Variants in INPP4B observed in about 807,000 individuals in gnomAD.
INPP4B encodes the protein inositol polyphosphate 4-phosphatase type II.
In INPP4B, 55 loss-of-function variants were observed where a neutral mutation model predicts 122.5. The observed-to-expected ratio is 0.45, with a 90% CI of 0.36 to 0.56. The LOEUF (loss-of-function observed/expected upper bound fraction) is 0.56. Among genes scored for constraint, INPP4B ranks in the 20% least tolerant of loss-of-function variants. INPP4B has a pLI of 0.00. For synonymous variants in INPP4B, 403 were observed against 388.7 expected, an observed-to-expected ratio of 1.04 and a Z score of -0.43; for missense variants, 1,000 against 1,097.7, an observed-to-expected ratio of 0.91 and a Z score of 1.26.
chr4:142,272,049 T>A (rs942867027), intron 9 of INPP4B, among the ~76,000 whole-genome samples: 1 of 152,198 alleles, frequency 6.6e-6, no homozygotes, highest in Admixed American at 6.5e-5. Context: ...CACTTCTATT[T>A]CAGTAGAATT....
At chr4:142,601,633 C>A (rs1739949013) in intron 2 of INPP4B, among the ~76,000 whole-genome samples, 2 of 148,314 alleles carry the variant, frequency 1.3e-5, no homozygotes, top group Non-Finnish European at 1.5e-5. Flanking sequence ...CCTAATGATG[C>A]ACCTCAAGGA....
At chr4:142,475,995 T>C (rs1469281858) in intron 2 of INPP4B, among the ~76,000 whole-genome samples, 4 of 152,058 alleles carry the variant, frequency 2.6e-5, no homozygotes, top group African/African-American at 9.7e-5. Flanking sequence ...ATGTAGAGAA[T>C]CCCTGTGAAA....
At chr4:142,042,518 GTATGTATGTATGTA>G (rs1389210600) in intron 25 of INPP4B, among the ~76,000 whole-genome samples, 1 of 42,798 alleles carries the variant, frequency 2.3e-5, no homozygotes, top group African/African-American at 5.5e-5. Flanking sequence ...ATGTGTGTGT[GTATGTATGTATGTA>G]TGTATGTATG....
intron 2 of INPP4B, among the ~76,000 whole-genome samples, chr4:142,714,248 T>A (rs1763481316): frequency 6.6e-6 from 1 of 152,168 alleles, no homozygotes; most frequent in African/African-American, 2.4e-5. Flanking sequence ...TAACAGAGGG[T>A]ACTTCAGGCA....
At chr4:142,453,583 A>G (rs1814761091) in intron 3 of INPP4B, among the ~76,000 whole-genome samples, 1 of 152,162 alleles carries the variant, frequency 6.6e-6, no homozygotes, top group Admixed American at 6.5e-5. Context: ...TTAGCTCTCC[A>G]GAGAAGTTCA....
rs138418288 is a variant in INPP4B at position 142,692,684 on chromosome 4, C to T, written c.-191+33155G>A. Reference sequence around the variant, plus strand: ...TTTACATTCCTTCTGGGAAGAACAACGGAGACACTCCATTCTGTGTCCAGG... The same window carrying T: ...TTTACATTCCTTCTGGGAAGAACAATGGAGACACTCCATTCTGTGTCCAGG... On this transcript the variant is annotated intron_variant, in intron 2 of 25. Transcript: ENST00000262992. Among the ~76,000 whole-genome samples, 331 of 152,282 alleles carry T rather than the reference C, an allele frequency of 2.2e-3. 2 individuals are homozygous for T. The highest frequency in any genetic ancestry group is 7.4e-3 in the African/African-American group (309 of 41,568).
chr4:142,737,543 T>C (rs1413860824), intron 1 of INPP4B, among the ~76,000 whole-genome samples: 5 of 152,150 alleles, frequency 3.3e-5, no homozygotes, highest in Non-Finnish European at 7.3e-5. Context: ...ATTCAGGACA[T>C]AGGCATGGGC....
chr4:142,102,629 T>C (rs1286835846), intron 23 of INPP4B, among the ~76,000 whole-genome samples: 1 of 152,086 alleles, frequency 6.6e-6, no homozygotes, highest in African/African-American at 2.4e-5. Context: ...TGTGACCTTT[T>C]GCTGGAATTC....
chr4:142,306,740 C>T (rs1763520260), intron 8 of INPP4B, among the ~76,000 whole-genome samples: 2 of 152,084 alleles, frequency 1.3e-5, no homozygotes, highest in South Asian at 4.1e-4. Context: ...GTGGCTCACG[C>T]CTGTCATGCC....
chr4:142,439,268 A>G (rs1580066076), intron 3 of INPP4B, among the ~76,000 whole-genome samples: 1 of 152,232 alleles, frequency 6.6e-6, no homozygotes, highest in South Asian at 2.1e-4. Flanking sequence ...AAGCTGTACT[A>G]TAGTCTGAGG....
chr4:142,052,088 C>T (rs1003640992), intron 25 of INPP4B, among the ~76,000 whole-genome samples: 1 of 151,944 alleles, frequency 6.6e-6, no homozygotes, highest in Non-Finnish European at 1.5e-5. Flanking sequence ...TTCCTTAGAA[C>T]CAACACTCAG....
intron 5 of INPP4B, among the ~76,000 whole-genome samples, chr4:142,415,912 C>T (rs546864268): frequency 8.0e-4 from 121 of 151,654 alleles, no homozygotes; most frequent in African/African-American, 2.8e-3. Context: ...GACAAAAAAC[C>T]GAACACCGCA....
At chr4:142,115,538 A>C (rs1792755946) in intron 21 of INPP4B, among the ~76,000 whole-genome samples, 1 of 152,210 alleles carries the variant, frequency 6.6e-6, no homozygotes, top group African/African-American at 2.4e-5. Context: ...TTTTCAACCC[A>C]GAATTTCATA....
rs1045603027 is a variant in INPP4B at position 142,152,622 on chromosome 4, G to A, written c.1564-6626C>T. On this transcript the variant is annotated intron_variant, in intron 17 of 25. Transcript: ENST00000262992. ...TTCTTTCTTTTATTTTTAGAGATAA[G>A]ATCTTCTGTTGCCCAGACCAGAGTG... Among the ~76,000 whole-genome samples the A allele has an allele frequency of 2.6e-5, 4 of 151,882 alleles. No individual in the cohort carries two copies. The South Asian group carries it at 8.3e-4, about 32-fold the overall frequency.
chr4:142,068,017 GAC>G (rs1420417987), intron 25 of INPP4B, among the ~76,000 whole-genome samples: 6 of 152,070 alleles, frequency 3.9e-5, no homozygotes, highest in African/African-American at 7.2e-5. Flanking sequence ...GCAACTCCAA[GAC>G]ACATAATTGT....
intron 12 of INPP4B, among the ~76,000 whole-genome samples, chr4:142,219,615 G>A (rs996324468): frequency 3.3e-5 from 5 of 152,258 alleles, no homozygotes; most frequent in South Asian, 2.1e-4. Context: ...GTTATGAAAC[G>A]TACTTAAAAG....
chr4:142,663,199 A>G (rs916752245), intron 2 of INPP4B, among the ~76,000 whole-genome samples: 4 of 152,118 alleles, frequency 2.6e-5, no homozygotes, highest in Non-Finnish European at 5.9e-5. Context: ...TTCCATTTCC[A>G]TTTTCTCATT....
At chr4:142,259,970 C>A (rs1452722186) in intron 11 of INPP4B, among the ~76,000 whole-genome samples, 4 of 152,042 alleles carry the variant, frequency 2.6e-5, no homozygotes, top group African/African-American at 9.7e-5. Flanking sequence ...CATTATGCAG[C>A]ACATGATATT....
At chr4:142,835,299 A>G (rs1782645170) in intron 1 of INPP4B, among the ~76,000 whole-genome samples, 1 of 152,186 alleles carries the variant, frequency 6.6e-6, no homozygotes, top group South Asian at 2.1e-4. Context: ...CACTAGCCTG[A>G]GATAAATAAG....
Sources: gnomAD v4.1 joint callset for allele counts (sites outside exome capture counted in the v4.1 genomes callset) on GRCh38, gnomAD v4.1.1 for gene constraint, MANE v1.5 for transcripts, NCBI Gene and HGNC (gene_info 2026-07-23, HGNC 2026-07-21) for gene names.